The following MAST4 variants were observed in gnomAD, a reference collection of about 807,000 sequenced individuals.
MAST4 encodes the protein microtubule-associated serine/threonine-protein kinase 4.
A neutral mutation model predicts 162.7 loss-of-function variants in MAST4; 89 were observed. The observed-to-expected ratio is 0.55, with a 90% CI of 0.46 to 0.65. The LOEUF is 0.65. MAST4 is among the 30% of genes least tolerant of loss of function. MAST4 has a pLI of 0.00. For synonymous variants in MAST4, 1,479 were observed against 1,361.1 expected (o/e 1.09, Z -1.91); for missense variants, 3,153 against 3,374.0 (o/e 0.93, Z 1.62).
At chr5:67,095,819 ATGATGGCC>A in intron 7 of MAST4, 144 bp downstream of exon 7, 1 of 532,226 alleles carries the variant, frequency 1.9e-6, no homozygotes, top group Non-Finnish European at 3.2e-6. Context: ...GACACATCAA[ATGATGGCC>A]TGACAAAAAT....
intron 3 of MAST4, among the ~76,000 whole-genome samples, chr5:66,880,490 G>A (rs1761621713): frequency 6.6e-6 from 1 of 152,170 alleles, no homozygotes; most frequent in Non-Finnish European, 1.5e-5. Context: ...TTGACCCAGA[G>A]TTTCTTCCTT....
At chr5:66,673,761 T>A (rs1160102767) in intron 1 of MAST4, among the ~76,000 whole-genome samples, 1 of 152,186 alleles carries the variant, frequency 6.6e-6, no homozygotes, top group Non-Finnish European at 1.5e-5. Context: ...GTGCTGGGAT[T>A]ATAGGCGTGA....
At chr5:67,132,954 T>C (rs1769173306) in intron 16 of MAST4, among the ~76,000 whole-genome samples, 1 of 152,152 alleles carries the variant, frequency 6.6e-6, no homozygotes, top group Admixed American at 6.6e-5. Flanking sequence ...TATATACTAT[T>C]TAAACTTTTT....
At chr5:67,074,151 A>G (rs777463795) in intron 5 of MAST4, among the ~76,000 whole-genome samples, 4 of 152,140 alleles carry the variant, frequency 2.6e-5, no homozygotes, top group Non-Finnish European at 5.9e-5. Flanking sequence ...GGCAAAGGAC[A>G]TGAACGGACA....
At chr5:67,012,738 A>G (rs1346142260) in intron 4 of MAST4, among the ~76,000 whole-genome samples, 4 of 152,230 alleles carry the variant, frequency 2.6e-5, no homozygotes, top group African/African-American at 7.2e-5. Context: ...GCAGATAGAA[A>G]AAAAGAAAAG....
At chr5:67,128,538 G>A (rs1338518570) in intron 14 of MAST4, among the ~76,000 whole-genome samples, 5 of 152,038 alleles carry the variant, frequency 3.3e-5, no homozygotes, top group Admixed American at 1.3e-4. Context: ...GTGATTTGCC[G>A]AATAAAGGAA....
At chr5:66,815,455 C>G (rs893706090) in intron 3 of MAST4, among the ~76,000 whole-genome samples, 1 of 152,078 alleles carries the variant, frequency 6.6e-6, no homozygotes, top group African/African-American at 2.4e-5. Flanking sequence ...AATTTATAAA[C>G]TTTATCATAC....
At chr5:66,794,753 G>C (rs1342160719) in intron 3 of MAST4, among the ~76,000 whole-genome samples, 2 of 152,182 alleles carry the variant, frequency 1.3e-5, no homozygotes, top group Non-Finnish European at 2.9e-5. Flanking sequence ...ATTAGGTTAA[G>C]TGGCTTAATT....
At position 66,837,864 on chromosome 5, in the gene MAST4, TTATA is replaced by T. The variant is rs1209782576; in HGVS notation, c.642+49098_642+49101del. Among the ~76,000 whole-genome samples the T allele has an allele frequency of 2.8e-3, 235 of 82,648 alleles. 2 individuals carry two copies. Among genetic ancestry groups the T allele is most frequent in the African/African-American group, 6.9e-3 (121 of 17,502 alleles). 54.2% of individuals were successfully genotyped at this position (82,648 alleles called of 152,430 possible). ...ATCAAGTCTCAAGTGAGACTTGATT[TTATA>T]TATATATATATATATATATATATAT... On this transcript the variant is annotated intron_variant, in intron 3 of 28. Transcript: ENST00000403625.
intron 4 of MAST4, among the ~76,000 whole-genome samples, chr5:67,043,087 C>A (rs1451008910): frequency 6.6e-6 from 1 of 152,120 alleles, no homozygotes; most frequent in Admixed American, 6.6e-5. Context: ...GGAAGTAAAC[C>A]CCCTTCCCTT....
At chr5:66,798,175 A>G (rs1755744165) in intron 3 of MAST4, among the ~76,000 whole-genome samples, 1 of 152,178 alleles carries the variant, frequency 6.6e-6, no homozygotes, top group South Asian at 2.1e-4. Flanking sequence ...ATCATGACCT[A>G]CTGGACTGTG....
rs78701383 is a variant in MAST4, at chr5:67,141,928, A to G, written c.2495-187A>G. On this transcript the variant is annotated intron_variant, in intron 19 of 28. Coordinates refer to ENST00000403625, the MANE Select transcript of MAST4 (RefSeq NM_001164664.2). ...ATAGCAACTGCTGTTAGCAACATCA[A>G]ATCTCCTACTGATAAATTATCAGAA... 3.0e-3 allele frequency among the ~76,000 whole-genome samples: 456 copies of G among 152,354 alleles called. 1 individual carries two copies. The highest frequency in any genetic ancestry group is 4.8e-3 in the Non-Finnish European group (325 of 68,034).
chr5:67,163,577 C>T lies in MAST4; in HGVS notation c.4398C>T (p.His1466=). Residue 1466 remains histidine (H), a synonymous_variant, in exon 29 of 29, where the codon CAC becomes CAT. Coordinates refer to ENST00000403625, the MANE Select transcript of MAST4 (RefSeq NM_001164664.2). The surrounding 1 kb of genome is among the most constrained non-coding windows in gnomAD (Gnocchi z 7.0). Reference sequence around the variant, plus strand: ...AGAAGCACCTGTGCTCCCGCAAGCACAGCCTGGAGGTGACCCAAGAGGAGG... The same window carrying T: ...AGAAGCACCTGTGCTCCCGCAAGCATAGCCTGGAGGTGACCCAAGAGGAGG... ...SDKKHLCSRK[H]SLEVTQEEVQ... 6.3e-7 allele frequency: 1 copy of T among 1,595,046 alleles called. No individual in the cohort carries two copies. The highest frequency in any genetic ancestry group is 8.5e-7 in the Non-Finnish European group (1 of 1,171,338).
intron 1 of MAST4, among the ~76,000 whole-genome samples, chr5:66,614,153 C>T (rs1196899836): frequency 6.6e-6 from 1 of 152,216 alleles, no homozygotes; most frequent in Non-Finnish European, 1.5e-5. Flanking sequence ...CTCTTTCACC[C>T]TACTTACTTT....
In MAST4 at chr5:66,606,705, AC is replaced by A. The variant is rs547653741; in HGVS notation, c.363+9691del. ...GTGAATCTCTCCCACTGGTTTGTGA[AC>A]CCCTCAGGTGGAAACCATGTCATAT... On this transcript the variant is annotated intron_variant, in intron 1 of 28. Coordinates refer to ENST00000403625, the MANE Select transcript of MAST4 (RefSeq NM_001164664.2). 7.9e-5 allele frequency among the ~76,000 whole-genome samples: 12 copies of A among 152,172 alleles called. No individual in the cohort carries two copies. In the East Asian group the frequency reaches 2.3e-3, roughly 29 times the overall value.
intron 4 of MAST4, among the ~76,000 whole-genome samples, chr5:67,019,901 G>A (rs141061549): frequency 6.6e-6 from 1 of 152,092 alleles, no homozygotes; most frequent in Non-Finnish European, 1.5e-5. Flanking sequence ...TATAAGATGA[G>A]GAAATTAATA....
At chr5:66,951,652 G>GTGTA (rs1491039443) in intron 4 of MAST4, among the ~76,000 whole-genome samples, 1 of 115,836 alleles carries the variant, frequency 8.6e-6, no homozygotes. Flanking sequence ...GTGTGTGTGT[G>GTGTA]TATTTTTTCC....
In MAST4 at chr5:67,069,287, GATATATATATATATAT is replaced by G. The variant is rs6149054; in HGVS notation, c.763+14805_763+14820del. Among the ~76,000 whole-genome samples the G allele has an allele frequency of 3.7e-5, 4 of 107,634 alleles. No homozygotes were observed. The South Asian group carries it at 1.3e-3, about 34-fold the overall frequency. 70.6% of individuals were successfully genotyped at this position (107,634 alleles called of 152,430 possible). A position where few individuals can be genotyped will look rare whatever the true frequency, so the allele number is the denominator to read the frequency against. The stretch of plus-strand genomic sequence containing the variant: ...CCTTTTCTGTTAAAGGAGGAGATTG[GATATATATATATATAT>G]ATATATATAAAATTTTAAAATATTC... On this transcript the variant is annotated intron_variant, in intron 5 of 28. Coordinates refer to ENST00000403625, the MANE Select transcript of MAST4 (RefSeq NM_001164664.2).
intron 1 of MAST4, among the ~76,000 whole-genome samples, chr5:66,695,858 A>G (rs572708421): frequency 2.0e-5 from 3 of 152,302 alleles, no homozygotes; most frequent in Non-Finnish European, 4.4e-5. Context: ...TTGGTTATAT[A>G]CCCAAAGGAA....
Sources: allele counts gnomAD v4.1 joint callset (sites outside exome capture counted in the v4.1 genomes callset), GRCh38; gene constraint gnomAD v4.1.1; non-coding constraint Gnocchi (gnomAD v3.1); transcripts MANE v1.5; gene names NCBI Gene and HGNC (gene_info 2026-07-23, HGNC 2026-07-21).